Variants in MICAL2 observed in about 807,000 individuals in gnomAD.
The protein encoded by MICAL2 is [F-actin]-monooxygenase MICAL2.
A neutral mutation model predicts 127.3 loss-of-function variants in MICAL2; 77 were observed. The ratio of observed to expected loss-of-function variants is 0.60; its 90% CI spans 0.50 to 0.73. MICAL2 has a LOEUF of 0.73. Among genes scored for constraint, MICAL2 ranks in the 30% least tolerant of loss-of-function variants. MICAL2 has a pLI of 0.00. For missense variants in MICAL2, 1,351 were observed against 1,434.4 expected (o/e 0.94, Z 0.94); for synonymous variants, 570 against 551.1 (o/e 1.03, Z -0.48).
chr11:12,342,003 A>C (rs1483147730), intron 32 of MICAL2, among the ~76,000 whole-genome samples: 1 of 152,212 alleles, frequency 6.6e-6, no homozygotes, highest in Non-Finnish European at 1.5e-5. Flanking sequence ...ATTAATAAAA[A>C]GTCACTTTGT....
chr11:12,236,146 A>G (rs766226120), intron 15 of MICAL2, 31 bp from the exon 16 acceptor site: 1 of 1,604,244 alleles, frequency 6.2e-7, no homozygotes, highest in Non-Finnish European at 8.5e-7. Context: ...GGTGGCCCCC[A>G]GAGCTCACCC....
At chr11:12,203,194 G>C (rs934389080) in intron 3 of MICAL2, among the ~76,000 whole-genome samples, 1 of 152,106 alleles carries the variant, frequency 6.6e-6, no homozygotes, top group African/African-American at 2.4e-5. Flanking sequence ...TTACTTTGGG[G>C]CTATTGTGAA....
chr11:12,186,730 G>A (rs1858340192), intron 3 of MICAL2, among the ~76,000 whole-genome samples: 1 of 152,150 alleles, frequency 6.6e-6, no homozygotes. Context: ...GCAGAGAGTG[G>A]GAGCTGAGTT....
chr11:12,244,619 G>T (rs1255235691), intron 21 of MICAL2, among the ~76,000 whole-genome samples: 2 of 152,204 alleles, frequency 1.3e-5, no homozygotes, highest in Non-Finnish European at 2.9e-5. Context: ...GAGGGGAGAA[G>T]ATGGGGAGGT....
downstream of MICAL2, among the ~76,000 whole-genome samples, chr11:12,264,269 T>G (rs1863506438): frequency 6.6e-6 from 1 of 152,120 alleles, no homozygotes; most frequent in Non-Finnish European, 1.5e-5. Flanking sequence ...GGACTGGGCA[T>G]CAATATTAGG....
intron 1 of MICAL2, among the ~76,000 whole-genome samples, chr11:12,128,711 T>C (rs1231192061): frequency 6.6e-6 from 1 of 152,218 alleles, no homozygotes; most frequent in Non-Finnish European, 1.5e-5. Flanking sequence ...TCAGCCACCC[T>C]CTCAGAGTCT....
Position 12,336,703 on chromosome 11 carries a change from G to A in MICAL2, c.5515+9437G>A, listed in dbSNP as rs1339472662. 2.0e-5 allele frequency among the ~76,000 whole-genome samples: 3 copies of A among 152,012 alleles called. No homozygotes were observed. The East Asian group carries it at 5.8e-4, about 29-fold the overall frequency. ...GTCAAAGGCCTTTTCTGCATCTATT[G>A]AGATAATCATGTGGTTTTTGTCTTT... On this transcript the variant is annotated intron_variant, in intron 32 of 34. Coordinates refer to the MICAL2 transcript ENST00000646065.
intron 3 of MICAL2, among the ~76,000 whole-genome samples, chr11:12,166,428 G>A (rs1391181954): frequency 6.6e-6 from 1 of 152,192 alleles, no homozygotes; most frequent in Non-Finnish European, 1.5e-5. Context: ...TTTATGTGAA[G>A]ACAGATATGT....
chr11:12,266,994 G>A (rs1487085577), downstream of MICAL2, among the ~76,000 whole-genome samples: 5 of 152,238 alleles, frequency 3.3e-5, no homozygotes, highest in African/African-American at 9.6e-5. Flanking sequence ...GGCTCAGAAC[G>A]CCTGACAGGA....
At chr11:12,341,645 G>A (rs1938867774) in intron 32 of MICAL2, among the ~76,000 whole-genome samples, 2 of 152,048 alleles carry the variant, frequency 1.3e-5, no homozygotes, top group African/African-American at 4.8e-5. Context: ...TGGCCAACAT[G>A]GTGAAACCCC....
chr11:12,226,967 A>G (rs1180249827), intron 14 of MICAL2, 58 bp from the exon 15 acceptor site: 2 of 1,371,552 alleles, frequency 1.5e-6, no homozygotes, highest in Non-Finnish European at 2.1e-6. Context: ...CCTCCTTGTT[A>G]TAGCCATACT....
At chr11:12,259,055 C>G (rs552538568) in intron 25 of MICAL2, among the ~76,000 whole-genome samples, 1 of 152,202 alleles carries the variant, frequency 6.6e-6, no homozygotes, top group Non-Finnish European at 1.5e-5. Context: ...TATCTTCTCT[C>G]GGGCTTGATT....
chr11:12,238,099 TA>T (rs60376892), intron 16 of MICAL2, among the ~76,000 whole-genome samples: 20,512 of 151,934 alleles, frequency 0.14, 1,482 homozygotes, highest in Non-Finnish European at 0.14. Context: ...GGGATCTTTT[TA>T]AAAAAAAATT....
At chr11:12,207,747 T>C in intron 4 of MICAL2, 1 of 314,994 alleles carries the variant, frequency 3.2e-6, no homozygotes, top group Admixed American at 4.6e-5. Flanking sequence ...GTCCATGTTC[T>C]AGCTTTGCTC....
chr11:12,259,293 G>A (rs1862770476), intron 25 of MICAL2, among the ~76,000 whole-genome samples: 1 of 152,138 alleles, frequency 6.6e-6, no homozygotes, highest in African/African-American at 2.4e-5. Context: ...TATGCCTAGA[G>A]TTTTATATTC....
chr11:12,159,145 C>A (rs1854505343), intron 2 of MICAL2, among the ~76,000 whole-genome samples: 1 of 152,220 alleles, frequency 6.6e-6, no homozygotes. Context: ...AGCTCCCACG[C>A]CTATCCAGCC....
intron 6 of MICAL2, among the ~76,000 whole-genome samples, chr11:12,212,553 G>A (rs1180404505): frequency 6.6e-6 from 1 of 152,208 alleles, no homozygotes; most frequent in Non-Finnish European, 1.5e-5. Flanking sequence ...CATTGTAGAT[G>A]TATTAAATGC....
chr11:12,209,090 G>A lies in MICAL2; in HGVS notation c.590-407G>A, dbSNP rs560311896. Among the ~76,000 whole-genome samples, 4 of 152,284 alleles carry A rather than the reference G, an allele frequency of 2.6e-5. No individual in the cohort carries two copies. The South Asian group carries it at 6.2e-4, about 24-fold the overall frequency. ...TTTGAGCATACAATAGAAATTAAAA[G>A]TGGTTTCCTTACACCCTACATATCC... On this transcript the variant is annotated intron_variant, in intron 5 of 27. Transcript: ENST00000683283.
At chr11:12,331,428 G>C (rs1231087948) in intron 32 of MICAL2, among the ~76,000 whole-genome samples, 2 of 152,142 alleles carry the variant, frequency 1.3e-5, no homozygotes, top group Non-Finnish European at 1.5e-5. Flanking sequence ...TCTTCCCGGA[G>C]ATTGAGGGGT....
Sources: allele counts gnomAD v4.1 joint callset (sites outside exome capture counted in the v4.1 genomes callset), GRCh38; gene constraint gnomAD v4.1.1; transcripts MANE v1.5; gene names NCBI Gene and HGNC (gene_info 2026-07-23, HGNC 2026-07-21).